OTC: variants seen among roughly 807,000 people sequenced by gnomAD.
The protein encoded by OTC is ornithine transcarbamylase, mitochondrial.
Under a neutral mutation model 30.3 loss-of-function variants are expected in OTC, and 3 were observed. The ratio of observed to expected loss-of-function variants is 0.10; its 90% confidence interval spans 0.05 to 0.26. The LOEUF (loss-of-function observed/expected upper bound fraction) is 0.26, where lower values mean the gene tolerates loss of function less well. Ranked by LOEUF, OTC falls within the 10% of genes least tolerant of loss-of-function variation. The pLI, the probability that OTC is intolerant of heterozygous loss-of-function variation, is 1.00. For missense variants in OTC, 194 were observed against 260.3 expected (o/e 0.75, Z 1.75); for synonymous variants, 111 against 99.7 (o/e 1.11, Z -0.67).
intron 4 of OTC, among the ~76,000 whole-genome samples, chrX:38,386,550 C>T (rs1370910658): frequency 1.8e-5 from 2 of 111,050 alleles, no homozygotes; most frequent in Admixed American, 1.9e-4. Context: ...TGGACTCATG[C>T]AATATTTGTC....
At chrX:38,382,079 G>T (rs1270771373) in intron 4 of OTC, among the ~76,000 whole-genome samples, 1 of 112,130 alleles carries the variant, frequency 8.9e-6, no homozygotes, top group African/African-American at 3.2e-5. Context: ...CAGTTTGGGT[G>T]TTAACATCCA....
chrX:38,338,799 T>C, the OTC span, among the ~76,000 whole-genome samples: 1 of 112,388 alleles, frequency 8.9e-6, no homozygotes, highest in South Asian at 3.7e-4. Flanking sequence ...ATGTTGCTGC[T>C]GACTTTGCTG....
chrX:38,374,125 C>T (rs1171402109), intron 3 of OTC, among the ~76,000 whole-genome samples: 1 of 111,629 alleles, frequency 9.0e-6, no homozygotes, highest in Non-Finnish European at 1.9e-5. Flanking sequence ...GAACGCGCCA[C>T]TGCTTCCAGC....
chrX:38,334,081 G>A, the OTC span, among the ~76,000 whole-genome samples: 3 of 112,089 alleles, frequency 2.7e-5, no homozygotes, highest in East Asian at 8.4e-4. Context: ...GAATTTTGAG[G>A]TGTCTGTGAC....
intron 6 of OTC, among the ~76,000 whole-genome samples, chrX:38,408,509 G>A (rs1255219851): frequency 1.8e-5 from 2 of 111,520 alleles, no homozygotes; most frequent in Non-Finnish European, 3.8e-5. Flanking sequence ...TTGCCTTTAT[G>A]ATTAAAGAAG....
the OTC span, among the ~76,000 whole-genome samples, chrX:38,345,836 C>T: frequency 7.9e-4 from 88 of 111,026 alleles, 1 homozygote; most frequent in African/African-American, 2.3e-3. Flanking sequence ...CCACCGTGCC[C>T]GACCCTAAAC....
intron 6 of OTC, among the ~76,000 whole-genome samples, chrX:38,407,957 G>C (rs1482969031): frequency 9.0e-6 from 1 of 111,721 alleles, no homozygotes; most frequent in Admixed American, 9.4e-5. Context: ...TCCTCACCCA[G>C]AGTAGGAACT....
At chrX:38,398,754 A>G (rs1315172125) in intron 4 of OTC, among the ~76,000 whole-genome samples, 1 of 111,801 alleles carries the variant, frequency 8.9e-6, no homozygotes, top group Non-Finnish European at 1.9e-5. Flanking sequence ...AGAAGCTTGC[A>G]TTCTTATAGT....
chrX:38,356,476 G>A (rs889166985), intron 1 of OTC, among the ~76,000 whole-genome samples: 1 of 111,385 alleles, frequency 9.0e-6, no homozygotes, highest in Admixed American at 9.6e-5. Flanking sequence ...GAGTGAAAAG[G>A]AAAAAAACTC....
the OTC span, among the ~76,000 whole-genome samples, chrX:38,333,245 G>GTC: frequency 9.1e-6 from 1 of 109,372 alleles, no homozygotes; most frequent in Non-Finnish European, 1.9e-5. Flanking sequence ...GATATAAACG[G>GTC]AAATGTTTCA....
chrX:38,333,047 C>G, the OTC span, among the ~76,000 whole-genome samples: 1 of 109,168 alleles, frequency 9.2e-6, no homozygotes, highest in African/African-American at 3.3e-5. Flanking sequence ...AACCCTGTCT[C>G]TACTAAAAAT....
intron 4 of OTC, among the ~76,000 whole-genome samples, chrX:38,399,959 G>A (rs1391039237): frequency 9.0e-6 from 1 of 111,405 alleles, no homozygotes; most frequent in Non-Finnish European, 1.9e-5. Flanking sequence ...GTGTGGAGAA[G>A]CTTCCATCAG....
In OTC at chrX:38,388,119, G is replaced by C. The variant is rs879017411; in HGVS notation, c.386+6690G>C. 2.2e-4 allele frequency among the ~76,000 whole-genome samples: 25 copies of C among 111,640 alleles called. No individual in the cohort carries two copies. In the Admixed American group the frequency reaches 2.4e-3, roughly 11 times the overall value. ...GGCTCTCATCTCTCTTCTGAATTTT[G>C]CTCAATTTCTTTTACCTAGATGTAC... On this transcript the variant is annotated intron_variant, in intron 4 of 9. Transcript: ENST00000039007.
chrX:38,390,553 A>G (rs1348956130), intron 4 of OTC, among the ~76,000 whole-genome samples: 1 of 112,483 alleles, frequency 8.9e-6, no homozygotes, highest in Non-Finnish European at 1.9e-5. Flanking sequence ...AAGAGTTGTC[A>G]GTGAAAGAAA....
chrX:38,335,749 A>G, the OTC span, among the ~76,000 whole-genome samples: 2 of 112,589 alleles, frequency 1.8e-5, no homozygotes, highest in African/African-American at 6.5e-5. Flanking sequence ...GCTGTTAGTC[A>G]CTGCCCTTTG....
intron 4 of OTC, among the ~76,000 whole-genome samples, chrX:38,390,627 G>T (rs1186895120): frequency 8.9e-6 from 1 of 111,944 alleles, no homozygotes; most frequent in Non-Finnish European, 1.9e-5. Flanking sequence ...AGAGAAAATG[G>T]ATAACAGGAC....
upstream of OTC, among the ~76,000 whole-genome samples, chrX:38,349,942 C>A (rs1400802083): frequency 9.0e-6 from 1 of 111,673 alleles, no homozygotes; most frequent in Non-Finnish European, 1.9e-5. Context: ...TTTGTTTTTA[C>A]CCTACACACT....
upstream of OTC, among the ~76,000 whole-genome samples, chrX:38,348,316 A>G (rs1325795188): frequency 8.9e-6 from 1 of 111,953 alleles, no homozygotes; most frequent in Non-Finnish European, 1.9e-5. Flanking sequence ...AACCCAATGC[A>G]AATAATGACA....
At chrX:38,330,501 G>C in the OTC span, among the ~76,000 whole-genome samples, 1 of 112,185 alleles carries the variant, frequency 8.9e-6, no homozygotes, top group African/African-American at 3.2e-5. Flanking sequence ...TCATTTTTGG[G>C]AAGAAGAATC....
Sources: gnomAD v4.1 joint callset for allele counts (sites outside exome capture counted in the v4.1 genomes callset) on GRCh38, gnomAD v4.1.1 for gene constraint, MANE v1.5 for transcripts, NCBI Gene and HGNC (gene_info 2026-07-23, HGNC 2026-07-21) for gene names.